The following BBS9 variants were observed in gnomAD, a reference collection of about 807,000 sequenced individuals.
The protein encoded by BBS9 is Bardet-Biedl syndrome 9.
Under a neutral mutation model 117.7 loss-of-function variants are expected in BBS9, and 89 were observed. That is an observed-to-expected ratio of 0.76 (90% CI 0.64 to 0.90). The LOEUF (loss-of-function observed/expected upper bound fraction) is 0.90. BBS9 is among the 40% of genes least tolerant of loss of function. The pLI is 0.00. For synonymous variants in BBS9, 379 were observed against 370.9 expected (o/e 1.02, Z -0.25); for missense variants, 982 against 1,042.2 (o/e 0.94, Z 0.80).
At chr7:33,465,255 T>C (rs1584923575) in intron 19 of BBS9, among the ~76,000 whole-genome samples, 2 of 149,812 alleles carry the variant, frequency 1.3e-5, no homozygotes, top group South Asian at 4.2e-4. Flanking sequence ...AAAAACATGA[T>C]TTATTCTTTT....
At chr7:33,378,602 T>TTTC (rs1287301794) in intron 17 of BBS9, among the ~76,000 whole-genome samples, 1 of 152,184 alleles carries the variant, frequency 6.6e-6, no homozygotes, top group African/African-American at 2.4e-5. Context: ...AGCTTAGACT[T>TTTC]ATTCACATTT....
intron 9 of BBS9, among the ~76,000 whole-genome samples, chr7:33,283,744 C>T (rs1327482937): frequency 6.6e-6 from 1 of 152,114 alleles, no homozygotes; most frequent in Non-Finnish European, 1.5e-5. Flanking sequence ...TACATCTCTT[C>T]TTATTTTACA....
intron 5 of BBS9, among the ~76,000 whole-genome samples, chr7:33,182,955 G>C (rs1032739390): frequency 6.6e-6 from 1 of 152,122 alleles, no homozygotes. Context: ...CTCAGTAGGG[G>C]ATGGGGACAT....
intron 5 of BBS9, among the ~76,000 whole-genome samples, chr7:33,208,016 C>T (rs1787281133): frequency 1.3e-5 from 2 of 152,072 alleles, no homozygotes; most frequent in African/African-American, 4.8e-5. Flanking sequence ...ACCATGTTGG[C>T]CAGGCTGGTC....
chr7:33,303,531 C>G (rs1386945186), intron 9 of BBS9, among the ~76,000 whole-genome samples: 1 of 120,772 alleles, frequency 8.3e-6, no homozygotes, highest in African/African-American at 3.2e-5. Flanking sequence ...CTCCCCCCGC[C>G]CCTTCTTTCT....
At chr7:33,407,409 C>T (rs962361265) in intron 19 of BBS9, among the ~76,000 whole-genome samples, 18 of 152,164 alleles carry the variant, frequency 1.2e-4, no homozygotes, top group Non-Finnish European at 2.1e-4. Context: ...GTAGTTTGAT[C>T]GTCTGAAGCC....
At chr7:33,408,237 G>T (rs1283845999) in intron 19 of BBS9, among the ~76,000 whole-genome samples, 1 of 152,200 alleles carries the variant, frequency 6.6e-6, no homozygotes, top group Non-Finnish European at 1.5e-5. Flanking sequence ...AGGACCCTCT[G>T]AGCCAGGTGC....
intron 4 of BBS9, among the ~76,000 whole-genome samples, chr7:33,168,195 G>C (rs1031229790): frequency 6.6e-6 from 1 of 152,206 alleles, no homozygotes; most frequent in South Asian, 2.1e-4. Context: ...GGCTGAAAGA[G>C]ACTTAATTTT....
At chr7:33,322,914 T>C (rs758840275) in intron 9 of BBS9, among the ~76,000 whole-genome samples, 3 of 152,150 alleles carry the variant, frequency 2.0e-5, no homozygotes, top group Non-Finnish European at 4.4e-5. Flanking sequence ...CTGTATCCCA[T>C]AGGTTTTGGA....
chr7:33,557,876 A>G (rs1203438026), intron 21 of BBS9, among the ~76,000 whole-genome samples: 2 of 152,208 alleles, frequency 1.3e-5, no homozygotes, highest in African/African-American at 4.8e-5. Context: ...TTAGGATCCC[A>G]GGATCCTTAT....
rs1203482403 is a variant in BBS9, at chr7:33,273,136, A to T, written c.827A>T (p.Gln276Leu). ...RNFFCLKDNG[Q>L]IRFMKKLDWS... ...TTTTTTTGCCTTAAGGATAATGGAC[A>T]AATTCGATTCATGAAGAAGCTTGAT... Residue 276 changes from glutamine (Q) to leucine (L), a missense_variant, in exon 8 of 23, where the codon CAA (glutamine) becomes CTA (leucine). Physicochemically the swap from Gln to Leu is moderately radical, Grantham distance 113 (BLOSUM62 -2). Transcript: ENST00000242067. 10 of 1,613,782 alleles carry T rather than the reference A, an allele frequency of 6.2e-6. No homozygotes were observed. The highest frequency in any genetic ancestry group is 8.5e-6 in the Non-Finnish European group (10 of 1,179,796).
intron 19 of BBS9, among the ~76,000 whole-genome samples, chr7:33,492,807 A>AGTGTGTGT (rs1844176248): frequency 1.1e-5 from 1 of 88,178 alleles, no homozygotes; most frequent in African/African-American, 5.0e-5. Flanking sequence ...CTAGTATAGG[A>AGTGTGTGT]GTGAGTGTGT....
chr7:33,348,302 ATGT>A (rs1817979159), intron 12 of BBS9, among the ~76,000 whole-genome samples: 1 of 152,122 alleles, frequency 6.6e-6, no homozygotes, highest in Non-Finnish European at 1.5e-5. Flanking sequence ...AGGTTCACCC[ATGT>A]TGTGGCATGT....
intron 21 of BBS9, among the ~76,000 whole-genome samples, chr7:33,569,134 T>C (rs760293208): frequency 2.0e-4 from 30 of 152,236 alleles, no homozygotes; most frequent in Non-Finnish European, 4.1e-4. Flanking sequence ...ATTGATAACA[T>C]ATTTACACTG....
chr7:33,138,774 A>C (rs896205622), intron 1 of BBS9, among the ~76,000 whole-genome samples: 49 of 150,492 alleles, frequency 3.3e-4, no homozygotes, highest in African/African-American at 1.2e-3. Flanking sequence ...TGGGGGGGAA[A>C]GATGGGGTCT....
intron 9 of BBS9, among the ~76,000 whole-genome samples, chr7:33,311,524 C>A (rs995048550): frequency 1.3e-5 from 2 of 152,154 alleles, no homozygotes; most frequent in Non-Finnish European, 2.9e-5. Flanking sequence ...CATATACCCA[C>A]CTTGCTTACT....
At chr7:33,260,593 A>T (rs181733788) in intron 6 of BBS9, among the ~76,000 whole-genome samples, 2 of 152,216 alleles carry the variant, frequency 1.3e-5, no homozygotes, top group Non-Finnish European at 2.9e-5. Context: ...TTATTCAGTC[A>T]TTCATTCAGC....
chr7:33,417,556 A>T (rs1490851629), intron 19 of BBS9, among the ~76,000 whole-genome samples: 1 of 152,236 alleles, frequency 6.6e-6, no homozygotes, highest in Non-Finnish European at 1.5e-5. Context: ...TGTAGTGACT[A>T]CCGAAAATGC....
chr7:33,613,695 C>T (rs1324662498), intron 21 of BBS9, among the ~76,000 whole-genome samples: 2 of 151,938 alleles, frequency 1.3e-5, no homozygotes, highest in Non-Finnish European at 2.9e-5. Flanking sequence ...AAATTAACAT[C>T]CCAAGTCACA....
Sources: allele counts gnomAD v4.1 joint callset (sites outside exome capture counted in the v4.1 genomes callset), GRCh38; gene constraint gnomAD v4.1.1; transcripts MANE v1.5; gene names NCBI Gene and HGNC (gene_info 2026-07-23, HGNC 2026-07-21).